The following PHF24 variants were observed in gnomAD, a reference collection of about 807,000 sequenced individuals.
The protein encoded by PHF24 is Galpha inhibitory interacting protein.
PHF24 carries 25 observed loss-of-function variants against 42.6 expected under a neutral mutation model. That is an observed-to-expected ratio of 0.59 (90% CI 0.43 to 0.82). The LOEUF is 0.82. PHF24 is among the 40% of genes least tolerant of loss of function. The pLI is 0.00. For synonymous variants in PHF24, 185 were observed against 204.8 expected, an observed-to-expected ratio of 0.90 and a Z score of 0.83; for missense variants, 470 against 538.1, an observed-to-expected ratio of 0.87 and a Z score of 1.25.
the PHF24 span, chr9:34,723,858 C>T: frequency 6.4e-7 from 1 of 1,551,696 alleles, no homozygotes; most frequent in South Asian, 1.2e-5. Context: ...TCCCCAGGGA[C>T]TCGTGGAGGT....
chr9:34,873,599 T>C, the PHF24 span, among the ~76,000 whole-genome samples: 2 of 151,934 alleles, frequency 1.3e-5, no homozygotes, highest in African/African-American at 2.4e-5. Context: ...GCTGTTTTGG[T>C]TACTGTAGCC....
chr9:34,667,380 A>C, the PHF24 span, among the ~76,000 whole-genome samples: 1 of 152,048 alleles, frequency 6.6e-6, no homozygotes, highest in Non-Finnish European at 1.5e-5. Context: ...GCAGACAGAG[A>C]GATCCATGGG....
chr9:34,950,016 A>G, the PHF24 span, among the ~76,000 whole-genome samples: 1 of 152,186 alleles, frequency 6.6e-6, no homozygotes, highest in Non-Finnish European at 1.5e-5. Context: ...AGAGTAAAAA[A>G]AAAGAAAGAA....
the PHF24 span, among the ~76,000 whole-genome samples, chr9:34,910,183 G>A: frequency 6.6e-6 from 1 of 152,136 alleles, no homozygotes; most frequent in Non-Finnish European, 1.5e-5. Flanking sequence ...CTTGAAGAAG[G>A]AATATAATTA....
the PHF24 span, among the ~76,000 whole-genome samples, chr9:34,775,427 C>T: frequency 1.3e-5 from 2 of 152,034 alleles, no homozygotes; most frequent in African/African-American, 2.4e-5. Flanking sequence ...TACAGCGTTC[C>T]AGTTGGGATA....
At chr9:34,746,497 T>A in the PHF24 span, among the ~76,000 whole-genome samples, 1 of 152,162 alleles carries the variant, frequency 6.6e-6, no homozygotes, top group Non-Finnish European at 1.5e-5. Context: ...ACAAAGCAAG[T>A]GCAAGATTGA....
chr9:34,723,792 C>T, the PHF24 span: 18 of 1,551,596 alleles, frequency 1.2e-5, no homozygotes, highest in African/African-American at 1.4e-5. Flanking sequence ...GTCGCTGGTT[C>T]AAGGATGACA....
At chr9:34,769,740 A>C in the PHF24 span, among the ~76,000 whole-genome samples, 1 of 152,194 alleles carries the variant, frequency 6.6e-6, no homozygotes, top group African/African-American at 2.4e-5. Flanking sequence ...AGCAGAACAA[A>C]ATATCCAGGA....
the PHF24 span, among the ~76,000 whole-genome samples, chr9:34,869,173 A>C: frequency 6.6e-6 from 1 of 152,134 alleles, no homozygotes; most frequent in Non-Finnish European, 1.5e-5. Context: ...ATTTGGGTTG[A>C]TTCCATGTCT....
intron 1 of PHF24, among the ~76,000 whole-genome samples, chr9:34,963,852 T>C (rs1188415590): frequency 6.6e-6 from 1 of 152,222 alleles, no homozygotes; most frequent in Admixed American, 6.5e-5. Context: ...GCATAGTTTC[T>C]AGAATTGAGT....
chr9:34,727,909 T>C, the PHF24 span: 1 of 970,544 alleles, frequency 1.0e-6, no homozygotes, highest in Non-Finnish European at 1.5e-6. Context: ...GCTTCCACTG[T>C]GTATGTCTCC....
chr9:34,908,076 C>T, the PHF24 span, among the ~76,000 whole-genome samples: 4 of 152,042 alleles, frequency 2.6e-5, no homozygotes, highest in African/African-American at 4.8e-5. Flanking sequence ...CTCCCGACCT[C>T]GTGATCTGCC....
At chr9:34,753,588 A>G in the PHF24 span, among the ~76,000 whole-genome samples, 1 of 152,138 alleles carries the variant, frequency 6.6e-6, no homozygotes, top group East Asian at 1.9e-4. Flanking sequence ...CAGAATCAAC[A>G]TAATACCTAT....
the PHF24 span, chr9:34,893,017 T>C: frequency 1.1e-6 from 1 of 886,218 alleles, no homozygotes. Flanking sequence ...ATGGCCCCAG[T>C]GAAGTCAGGG....
the PHF24 span, among the ~76,000 whole-genome samples, chr9:34,741,475 G>A: frequency 6.6e-6 from 1 of 151,860 alleles, no homozygotes; most frequent in African/African-American, 2.4e-5. Flanking sequence ...TGATTCTCCT[G>A]CCTCAGCCTC....
chr9:34,712,895 T>C, the PHF24 span, among the ~76,000 whole-genome samples: 1 of 152,222 alleles, frequency 6.6e-6, no homozygotes, highest in Admixed American at 6.5e-5. Flanking sequence ...GTTAAAGTCT[T>C]CATCTACTAT....
chr9:34,933,824 A>G, the PHF24 span, among the ~76,000 whole-genome samples: 2 of 151,314 alleles, frequency 1.3e-5, no homozygotes, highest in Non-Finnish European at 2.9e-5. Context: ...CCCAGGCTGG[A>G]GTGCAGTGGC....
chr9:34,981,692 T>C (rs1289068383), exon 8 of PHF24: 2 of 152,164 alleles, frequency 1.3e-5, no homozygotes, highest in Admixed American at 1.3e-4. Flanking sequence ...CCACAGTCCC[T>C]TTTTACCCCT....
At chr9:34,917,276 T>A in the PHF24 span, 1 of 1,069,854 alleles carries the variant, frequency 9.3e-7, no homozygotes, top group South Asian at 1.2e-5. Flanking sequence ...TCTGGATCGA[T>A]GGTACTGGAA....
Sources: allele counts gnomAD v4.1 joint callset (sites outside exome capture counted in the v4.1 genomes callset), GRCh38; gene constraint gnomAD v4.1.1; transcripts MANE v1.5; gene names NCBI Gene and HGNC (gene_info 2026-07-23, HGNC 2026-07-21).